Variants in SYCP3 observed in about 807,000 individuals in gnomAD.
SYCP3 encodes synaptonemal complex protein 3.
Under a neutral mutation model 38.5 loss-of-function variants are expected in SYCP3, and 29 were observed. That is an observed-to-expected ratio of 0.75 (90% CI 0.56 to 1.03). The LOEUF is 1.03. SYCP3 is among the 50% of genes least tolerant of loss of function. The pLI is 0.00. For missense variants in SYCP3, 242 were observed against 270.7 expected (o/e 0.89, Z 0.74); for synonymous variants, 79 against 80.3 (o/e 0.98, Z 0.08).
chr12:101,730,491 ATT>A (rs201662453), intron 7 of SYCP3: 12,680 of 315,860 alleles, frequency 0.04, no homozygotes, highest in South Asian at 0.061. Flanking sequence ...TGTGTGTATA[ATT>A]TTTTTTTTTT....
In SYCP3 at chr12:101,737,957, A is replaced by T; in HGVS notation, c.-17-5T>A. 6.2e-7 allele frequency: 1 copy of T among 1,614,028 alleles called. No individual in the cohort carries two copies. ...CCATATTTAGATGCTTCCTGACTTT[A>T]AAAAACAAATTTCTTTAACCTTCTG... On this transcript the variant is annotated splice_polypyrimidine_tract_variant and splice_region_variant and intron_variant, in intron 1 of 8. Coordinates refer to ENST00000392924, the MANE Select transcript of SYCP3 (RefSeq NM_001177949.2).
chr12:101,730,091 A>C (rs1952117275), intron 7 of SYCP3, among the ~76,000 whole-genome samples: 1 of 152,134 alleles, frequency 6.6e-6, no homozygotes, highest in African/African-American at 2.4e-5. Flanking sequence ...GTTTTTCAAG[A>C]GGGAAGAGAT....
At chr12:101,734,900 G>T in intron 5 of SYCP3, 27 bp downstream of exon 5, 1 of 1,387,378 alleles carries the variant, frequency 7.2e-7, no homozygotes, top group Non-Finnish European at 1.0e-6. Context: ...AAGAAATGTG[G>T]CTCTAAAAAA....
intron 5 of SYCP3, 111 bp downstream of exon 5, chr12:101,734,815 TG>T: frequency 1.3e-6 from 1 of 763,326 alleles, no homozygotes; most frequent in Non-Finnish European, 2.3e-6. Context: ...CCCAAAGTGC[TG>T]GGATTACTGG....
Position 101,728,785 on chromosome 12 carries a change from A to G in SYCP3, c.*142T>C. ...CATAACTATTTAGATTTGACTTAAC[A>G]GAAAGGGAGGTCTTACAATGAAACA... On this transcript the variant is annotated 3_prime_UTR_variant, in exon 9 of 9. Transcript: ENST00000392924. The G allele has an allele frequency of 3.3e-6, 4 of 1,200,186 alleles. No individual in the cohort carries two copies. Among genetic ancestry groups the G allele is most frequent in the Non-Finnish European group, 4.7e-6 (4 of 844,462 alleles). 74.3% of individuals were successfully genotyped at this position (1,200,186 alleles called of 1,614,324 possible).
chr12:101,739,167 C>T (rs1952607819), intron 1 of SYCP3, 184 bp downstream of exon 1: 4 of 741,510 alleles, frequency 5.4e-6, no homozygotes, highest in Non-Finnish European at 6.6e-6. Context: ...GGGGCCCAGC[C>T]CCAGCCCAGC....
At chr12:101,738,092 C>T (rs1473100253) in intron 1 of SYCP3, 140 bp from the exon 2 acceptor site, 1 of 982,776 alleles carries the variant, frequency 1.0e-6, no homozygotes, top group Non-Finnish European at 1.5e-6. Flanking sequence ...ATTTGGGGGG[C>T]CAAAAGTTAA....
intron 6 of SYCP3, 30 bp downstream of exon 6, chr12:101,733,545 G>A: frequency 6.3e-7 from 1 of 1,575,664 alleles, no homozygotes. Flanking sequence ...TTGAGACTTG[G>A]TTGATTATAA....
At chr12:101,735,900 TC>T (rs1952422838) in intron 4 of SYCP3, among the ~76,000 whole-genome samples, 5 of 141,794 alleles carry the variant, frequency 3.5e-5, no homozygotes, top group African/African-American at 1.4e-4. Flanking sequence ...CACGGGGGTC[TC>T]ACTATGTTGA....
At chr12:101,737,434 ATGCAATATTCTC>A (rs1303209621) in intron 2 of SYCP3, 136 bp from the exon 3 acceptor site, 3 of 828,874 alleles carry the variant, frequency 3.6e-6, no homozygotes, top group East Asian at 5.1e-5. Context: ...AGACATAAAA[ATGCAATATTCTC>A]TGCAGGTTAG....
Position 101,737,877 on chromosome 12 carries a change from T to C in SYCP3, c.59A>G (p.Gln20Arg), listed in dbSNP as rs143228358. Reference sequence around the variant, plus strand: ...CTCAAAGTCATAGGCTCTCGTAAACTGATCTTCCACAGACGGCTTCCCAGA... The same window carrying C: ...CTCAAAGTCATAGGCTCTCGTAAACCGATCTTCCACAGACGGCTTCCCAGA... ...RKSGKPSVEDQFTRAYDFETE... is the reference protein window; with the variant it reads ...RKSGKPSVEDRFTRAYDFETE... Residue 20 changes from glutamine to arginine, a missense_variant, in exon 2 of 9, where the codon CAG (glutamine) becomes CGG (arginine). Physicochemically the swap from Gln to Arg is conservative, Grantham distance 43 (BLOSUM62 1). Transcript: ENST00000392924. 6.2e-4 allele frequency: 1,000 copies of C among 1,614,224 alleles called. 8 individuals are homozygous for C. The highest frequency in any genetic ancestry group is 4.2e-3 in the South Asian group (380 of 91,086).
At chr12:101,734,214 G>A (rs963547217) in intron 5 of SYCP3, among the ~76,000 whole-genome samples, 40 of 152,172 alleles carry the variant, frequency 2.6e-4, no homozygotes, top group African/African-American at 7.9e-4. Flanking sequence ...TAAGACTAAC[G>A]GTTTTTATGA....
Position 101,737,307 on chromosome 12 carries a change from A to C in SYCP3, c.134-9T>G, listed in dbSNP as rs773093604. ...AATGACTGCAGTCTTCCCTGTATTG[A>C]CAATTAAAAAAAAAAAAAAAAAGCT... is the stretch of plus-strand genomic sequence containing the variant. On this transcript the variant is annotated splice_polypyrimidine_tract_variant and intron_variant, in intron 2 of 8. Transcript: ENST00000392924. 7 of 1,550,534 alleles carry C rather than the reference A, an allele frequency of 4.5e-6. No individual in the cohort carries two copies. The highest frequency in any genetic ancestry group is 8.7e-7 in the Non-Finnish European group (1 of 1,153,110).
rs1952263312 is a variant in SYCP3, at chr12:101,733,326, C to T, written c.453+249G>A. On this transcript the variant is annotated intron_variant, in intron 6 of 8. Transcript: ENST00000392924. ...CTGCCCCGACTTCTTTTACATAAAC[C>T]AATGATCCTTCTTTTGTACTTTGAC... The T allele has an allele frequency of 1.1e-5, 5 of 458,858 alleles. No individual in the cohort carries two copies. In the East Asian group the frequency reaches 1.6e-4, roughly 15 times the overall value. 28.4% of individuals were successfully genotyped at this position (458,858 alleles called of 1,614,324 possible). A position where few individuals can be genotyped will look rare whatever the true frequency, so the allele number is the denominator to read the frequency against.
intron 6 of SYCP3, chr12:101,733,348 T>C: frequency 2.0e-6 from 1 of 501,920 alleles, no homozygotes; most frequent in African/African-American, 1.9e-5. Context: ...TTTTGTACTT[T>C]GACAAATTTC....
At chr12:101,737,180 C>T (rs1339367043) in intron 3 of SYCP3, 52 bp downstream of exon 3, 3 of 1,605,306 alleles carry the variant, frequency 1.9e-6, no homozygotes, top group Non-Finnish European at 2.6e-6. Context: ...TTGTTAGCAA[C>T]TTTTCTTGAA....
At chr12:101,732,661 C>CT (rs796987280) in intron 6 of SYCP3, 1 of 146,674 alleles carries the variant, frequency 6.8e-6, no homozygotes, top group South Asian at 2.2e-4. Context: ...TGCATTTTTT[C>CT]TTTTTTCTTT....
chr12:101,734,445 TA>T (rs1429252943), intron 5 of SYCP3, among the ~76,000 whole-genome samples: 1 of 152,098 alleles, frequency 6.6e-6, no homozygotes, highest in Non-Finnish European at 1.5e-5. Context: ...ACTTGTTACC[TA>T]AAAGGAAAAA....
At chr12:101,739,070 C>CG (rs1952601434) in intron 1 of SYCP3, among the ~76,000 whole-genome samples, 1 of 152,244 alleles carries the variant, frequency 6.6e-6, no homozygotes. Flanking sequence ...CGGCGTGGAG[C>CG]GGGCAGGAGG....
Sources: gnomAD v4.1 joint callset for allele counts (sites outside exome capture counted in the v4.1 genomes callset) on GRCh38, gnomAD v4.1.1 for gene constraint, MANE v1.5 for transcripts, NCBI Gene and HGNC (gene_info 2026-07-23, HGNC 2026-07-21) for gene names.